RGP1: variants seen among roughly 807,000 people sequenced by gnomAD.
RGP1 encodes RAB6A-GEF complex partner protein 2.
In RGP1, 28 loss-of-function variants were observed where a neutral mutation model predicts 44.5. The observed-to-expected ratio is 0.63, with a 90% CI of 0.47 to 0.86. RGP1 has a LOEUF of 0.86. RGP1 is among the 40% of genes least tolerant of loss of function. The pLI, the probability that RGP1 is intolerant of heterozygous loss-of-function variation, is 0.00. For missense variants in RGP1, 417 were observed against 490.7 expected (o/e 0.85, Z 1.42); for synonymous variants, 212 against 196.7 (o/e 1.08, Z -0.65).
intron 7 of RGP1, 22 bp from the exon 8 acceptor site, chr9:35,751,934 C>A: frequency 6.4e-7 from 1 of 1,562,322 alleles, no homozygotes; most frequent in South Asian, 1.2e-5. Flanking sequence ...CCTGTTAGCA[C>A]ACACCTGTCT....
chr9:35,772,212 C>T, the RGP1 span: 5 of 152,142 alleles, frequency 3.3e-5, no homozygotes, highest in Non-Finnish European at 5.9e-5. Flanking sequence ...ATTAACTCAC[C>T]AAGGAAATGA....
chr9:35,776,235 T>C, the RGP1 span, among the ~76,000 whole-genome samples: 1 of 152,158 alleles, frequency 6.6e-6, no homozygotes, highest in African/African-American at 2.4e-5. Context: ...TGTGGAACCT[T>C]TGCAGTCATA....
At chr9:35,764,907 T>C in the RGP1 span, among the ~76,000 whole-genome samples, 1 of 151,814 alleles carries the variant, frequency 6.6e-6, no homozygotes, top group Admixed American at 6.6e-5. Flanking sequence ...GGGCAGATCA[T>C]GGGAGGTCAG....
the RGP1 span, among the ~76,000 whole-genome samples, chr9:35,769,299 A>T: frequency 6.6e-6 from 1 of 152,174 alleles, no homozygotes; most frequent in African/African-American, 2.4e-5. Flanking sequence ...GTTGTCCTTG[A>T]TGCTGTTTCC....
chr9:35,749,883 G>A lies in RGP1; in HGVS notation c.116+12G>A. ...ACTTCTGCATCCAGGTGGGGATGCT[G>A]GCACTGAAGGTGGTGGCCCTTCTGG... On this transcript the variant is annotated intron_variant, in intron 2 of 8. Transcript: ENST00000378078. This position sits in a 1 kb window ranked among gnomAD's most constrained non-coding sequence, Gnocchi z 4.4. 15 of 1,581,840 alleles carry A rather than the reference G, an allele frequency of 9.5e-6. No homozygotes were observed. The highest frequency in any genetic ancestry group is 1.3e-5 in the Non-Finnish European group (15 of 1,152,730).
the RGP1 span, among the ~76,000 whole-genome samples, chr9:35,782,201 A>C: frequency 1.3e-5 from 2 of 151,998 alleles, no homozygotes; most frequent in Admixed American, 1.3e-4. Flanking sequence ...ATGTTTTGAA[A>C]TTATGTGTAG....
At position 35,753,190 on chromosome 9, in the gene RGP1, A is replaced by G. The variant is rs1054014272; in HGVS notation, c.*316A>G. The G allele has an allele frequency of 6.2e-7, 1 of 1,613,956 alleles. No individual in the cohort carries two copies. The highest frequency in any genetic ancestry group is 1.1e-5 in the South Asian group (1 of 91,086). The stretch of plus-strand genomic sequence containing the variant: ...GCCCTCCCCCTTTGCAGGGCAGCCG[A>G]GGGTCAGATTTTTGCACCAAGGAGA... On this transcript the variant is annotated 3_prime_UTR_variant, in exon 9 of 9. Coordinates refer to ENST00000378078, the MANE Select transcript of RGP1 (RefSeq NM_001080496.3). This position sits in a 1 kb window ranked among gnomAD's most constrained non-coding sequence, Gnocchi z 4.2.
chr9:35,751,321 C>T lies in RGP1; in HGVS notation c.543C>T (p.Phe181=), dbSNP rs1827259496. 6.2e-7 allele frequency: 1 copy of T among 1,613,876 alleles called. No individual in the cohort carries two copies. Among genetic ancestry groups the T allele is most frequent in the African/African-American group, 1.3e-5 (1 of 74,918 alleles). ...AGGCTGTAGCCCCATCCAGTCCATT[C>T]TTGGAGGAGGATGAAGGTGGGAAGA... ...QDEAVAPSSP[F]LEEDEGGKKD... Residue 181 remains phenylalanine, a synonymous_variant, in exon 6 of 9, where the codon TTC becomes TTT. Coordinates refer to ENST00000378078, the MANE Select transcript of RGP1 (RefSeq NM_001080496.3).
At position 35,749,515 on chromosome 9, in the gene RGP1, G is replaced by T; in HGVS notation, c.-20+107G>T. ...GGGTGCCCAGGGAGAAGAACCCGTC[G>T]CACAGGGGCTGGGGTCTAGGGCCCA... On this transcript the variant is annotated intron_variant, in intron 1 of 8. Coordinates refer to ENST00000378078, the MANE Select transcript of RGP1 (RefSeq NM_001080496.3). This position sits in a 1 kb window ranked among gnomAD's most constrained non-coding sequence, Gnocchi z 4.4. 1.5e-6 allele frequency: 1 copy of T among 673,398 alleles called. No individual in the cohort carries two copies. Among genetic ancestry groups the T allele is most frequent in the African/African-American group, 1.8e-5 (1 of 56,656 alleles). The allele number at this position is 673,398 out of a possible 1,614,324, so 41.7% of individuals were successfully genotyped here.
At chr9:35,750,568 T>C (rs1312586028) in intron 3 of RGP1, 90 bp from the exon 4 acceptor site, 4 of 1,438,082 alleles carry the variant, frequency 2.8e-6, no homozygotes, top group Non-Finnish European at 2.9e-6. Flanking sequence ...ACGGAGGGCC[T>C]GGCAGCCTTT....
At chr9:35,767,116 C>T in the RGP1 span, among the ~76,000 whole-genome samples, 1 of 152,066 alleles carries the variant, frequency 6.6e-6, no homozygotes, top group African/African-American at 2.4e-5. Flanking sequence ...AGTCACTGAT[C>T]TGCAGAGAAA....
chr9:35,772,283 T>A, the RGP1 span: 5 of 152,298 alleles, frequency 3.3e-5, no homozygotes, highest in African/African-American at 9.6e-5. Flanking sequence ...AGCTTCGAGC[T>A]CAGAGGAAGA....
chr9:35,750,446 A>G (rs1049740443), intron 3 of RGP1, 67 bp downstream of exon 3: 5 of 1,552,062 alleles, frequency 3.2e-6, no homozygotes, highest in South Asian at 1.1e-5. Flanking sequence ...ATTGTCACCC[A>G]TGGGTGAAGT....
In RGP1 at chr9:35,749,783, C is replaced by CGG; in HGVS notation, c.31_32dup (p.Pro12ValfsTer13). 2 of 1,613,750 alleles carry CGG rather than the reference C, an allele frequency of 1.2e-6. No individual in the cohort carries two copies. The highest frequency in any genetic ancestry group is 1.7e-6 in the Non-Finnish European group (2 of 1,179,726). On this transcript the variant is annotated frameshift_variant, in exon 2 of 9. Transcript: ENST00000378078. LOFTEE classifies it high-confidence loss of function. This position sits in a 1 kb window ranked among gnomAD's most constrained non-coding sequence, Gnocchi z 4.4. ...GATTGAAGTGGTAGCAGAGCTCAGC[C>CGG]GGGGTCCTGTATTTTTGGCTGGGGA...
the RGP1 span, among the ~76,000 whole-genome samples, chr9:35,788,114 A>G: frequency 6.6e-6 from 1 of 152,234 alleles, no homozygotes; most frequent in African/African-American, 2.4e-5. Context: ...CCCGAATCCC[A>G]TGGTGGTTGC....
At chr9:35,776,986 C>T in the RGP1 span, among the ~76,000 whole-genome samples, 6 of 134,778 alleles carry the variant, frequency 4.5e-5, no homozygotes, top group African/African-American at 1.6e-4. Flanking sequence ...CAGAGTGAGA[C>T]TCTGTCTCAA....
rs1273659152 is a variant in RGP1 at position 35,755,825 on chromosome 9, C to T, written c.*2951C>T. The T allele has an allele frequency of 6.6e-6, 1 of 152,240 alleles. No homozygotes were observed. Among genetic ancestry groups the T allele is most frequent in the African/African-American group, 2.4e-5 (1 of 41,442 alleles). 9.4% of individuals were successfully genotyped at this position (152,240 alleles called of 1,614,324 possible). A position where few individuals can be genotyped will look rare whatever the true frequency, so the allele number is the denominator to read the frequency against. ...GGATGGAGACCCCTAATCCATGTCA[C>T]CTTTCCCACCTCTTTCAAAAACAGG... On this transcript the variant is annotated 3_prime_UTR_variant, in exon 9 of 9. Coordinates refer to ENST00000378078, the MANE Select transcript of RGP1 (RefSeq NM_001080496.3).
chr9:35,778,330 A>G, the RGP1 span, among the ~76,000 whole-genome samples: 1 of 152,138 alleles, frequency 6.6e-6, no homozygotes, highest in Non-Finnish European at 1.5e-5. Context: ...ATGATAGATA[A>G]TGAAAAAACT....
rs1827333984 is a variant in RGP1 at position 35,754,769 on chromosome 9, G to A, written c.*1895G>A. 1.3e-5 allele frequency: 2 copies of A among 152,362 alleles called. No homozygotes were observed. Among genetic ancestry groups the A allele is most frequent in the Middle Eastern group, 3.4e-3 (1 of 296 alleles). 9.4% of individuals were successfully genotyped at this position (152,362 alleles called of 1,614,324 possible). ...TGTTTCCCTCAGATCCTAGGGCAGGGTTTCCCTAATGTATCCAAGAAATAG... is the reference window on the plus strand; with the variant it reads ...TGTTTCCCTCAGATCCTAGGGCAGGATTTCCCTAATGTATCCAAGAAATAG... On this transcript the variant is annotated 3_prime_UTR_variant, in exon 9 of 9. Transcript: ENST00000378078.
Sources: gnomAD v4.1 joint callset for allele counts (sites outside exome capture counted in the v4.1 genomes callset) on GRCh38, gnomAD v4.1.1 for gene constraint, Gnocchi (gnomAD v3.1) non-coding constraint, MANE v1.5 for transcripts, NCBI Gene and HGNC (gene_info 2026-07-23, HGNC 2026-07-21) for gene names.